CCBE1: variants seen among roughly 807,000 people sequenced by gnomAD.
CCBE1 encodes collagen and calcium-binding EGF domain-containing protein 1.
CCBE1 carries 37 observed loss-of-function variants against 50.0 expected under a neutral mutation model. The observed-to-expected ratio is 0.74, with a 90% CI of 0.57 to 0.97. The LOEUF (loss-of-function observed/expected upper bound fraction) is 0.97, where lower values mean the gene tolerates loss of function less well. Among genes scored for constraint, CCBE1 ranks in the 50% least tolerant of loss-of-function variants. The pLI is 0.00. For synonymous variants in CCBE1, 234 were observed against 203.7 expected (o/e 1.15, Z -1.27); for missense variants, 538 against 523.8 (o/e 1.03, Z -0.26).
intron 2 of CCBE1, among the ~76,000 whole-genome samples, chr18:59,606,046 G>T (rs2053493975): frequency 1.3e-5 from 2 of 152,150 alleles, no homozygotes; most frequent in Admixed American, 6.5e-5. Context: ...AACGCCTATG[G>T]TGCTTTGCGA....
intron 2 of CCBE1, among the ~76,000 whole-genome samples, chr18:59,638,366 C>T (rs2053942473): frequency 1.3e-5 from 2 of 152,192 alleles, no homozygotes; most frequent in African/African-American, 2.4e-5. Flanking sequence ...TATCAACTTT[C>T]ACCAATTCTA....
chr18:59,578,995 A>G (rs1337851051), intron 2 of CCBE1, among the ~76,000 whole-genome samples: 1 of 152,244 alleles, frequency 6.6e-6, no homozygotes, highest in Non-Finnish European at 1.5e-5. Flanking sequence ...ATGTAAAGAC[A>G]TAAAAGTCAC....
intron 2 of CCBE1, among the ~76,000 whole-genome samples, chr18:59,502,030 C>T (rs1421569498): frequency 6.6e-6 from 1 of 152,206 alleles, no homozygotes; most frequent in Non-Finnish European, 1.5e-5. Context: ...AACTCCTGAA[C>T]TCAAGTGATC....
Position 59,601,010 on chromosome 18 carries a change from G to GTTTTTTTTTT in CCBE1, c.212+95609_212+95618dup, listed in dbSNP as rs71177045. On this transcript the variant is annotated intron_variant, in intron 2 of 10. Coordinates refer to ENST00000439986, the MANE Select transcript of CCBE1 (RefSeq NM_133459.4). ...GATCTATTTTATTAGCTATGTGTCA[G>GTTTTTTTTTT]TTTTTTTTTTTTTTTTTTTTTTTTT... Among the ~76,000 whole-genome samples the GTTTTTTTTTT allele has an allele frequency of 1.7e-3, 101 of 58,016 alleles. 31 individuals are homozygous for GTTTTTTTTTT. Among genetic ancestry groups the GTTTTTTTTTT allele is most frequent in the Non-Finnish European group, 2.1e-3 (60 of 28,346 alleles). The allele number at this position is 58,016 out of a possible 152,430, so 38.1% of individuals were successfully genotyped here.
chr18:59,484,315 T>C (rs753543419), intron 2 of CCBE1, among the ~76,000 whole-genome samples: 8 of 152,240 alleles, frequency 5.3e-5, no homozygotes, highest in Non-Finnish European at 7.3e-5. Context: ...AAAACCCACG[T>C]GTTTTTGATA....
At chr18:59,494,906 C>T (rs12957165) in intron 2 of CCBE1, among the ~76,000 whole-genome samples, 1 of 152,118 alleles carries the variant, frequency 6.6e-6, no homozygotes, top group Non-Finnish European at 1.5e-5. Flanking sequence ...GTAATCCTAG[C>T]ACTTTGGGAG....
intron 2 of CCBE1, among the ~76,000 whole-genome samples, chr18:59,506,724 A>C (rs950237552): frequency 9.2e-5 from 14 of 152,194 alleles, no homozygotes; most frequent in Non-Finnish European, 2.9e-5. Flanking sequence ...TGGTGCACCC[A>C]GACCAGCCTC....
chr18:59,586,039 T>C (rs1039212605), intron 2 of CCBE1, among the ~76,000 whole-genome samples: 4 of 152,212 alleles, frequency 2.6e-5, no homozygotes, highest in African/African-American at 9.7e-5. Context: ...CTTTTAGTAA[T>C]TTCACTTTTA....
intron 2 of CCBE1, among the ~76,000 whole-genome samples, chr18:59,512,433 C>A (rs536361783): frequency 6.6e-6 from 1 of 152,370 alleles, no homozygotes; most frequent in East Asian, 1.9e-4. Context: ...AAGCAAAGAG[C>A]AACAGTGCCT....
At chr18:59,443,569 C>T (rs750706894) in intron 7 of CCBE1, among the ~76,000 whole-genome samples, 3 of 151,572 alleles carry the variant, frequency 2.0e-5, no homozygotes, top group Non-Finnish European at 4.4e-5. Context: ...CAGGTTCAAG[C>T]AATTCTCCCG....
intron 2 of CCBE1, among the ~76,000 whole-genome samples, chr18:59,561,065 G>C (rs1297803743): frequency 2.0e-5 from 3 of 151,852 alleles, no homozygotes; most frequent in Non-Finnish European, 4.4e-5. Flanking sequence ...GTCCAGCCTA[G>C]TACTGACACC....
chr18:59,511,123 C>A lies in CCBE1; in HGVS notation c.213-30885G>T, dbSNP rs563296933. ...AGGACTTTCTTTCCAGCAGCTGAAA[C>A]CCTGACTTCGTTTTTATGCTGCTAT... On this transcript the variant is annotated intron_variant, in intron 2 of 10. Transcript: ENST00000439986. Among the ~76,000 whole-genome samples the A allele has an allele frequency of 5.3e-5, 8 of 152,296 alleles. No individual in the cohort carries two copies. In the East Asian group the frequency reaches 1.2e-3, roughly 22 times the overall value.
intron 2 of CCBE1, among the ~76,000 whole-genome samples, chr18:59,620,771 G>A (rs895661901): frequency 6.6e-6 from 1 of 152,128 alleles, no homozygotes; most frequent in Non-Finnish European, 1.5e-5. Context: ...ATGATTGTGA[G>A]GCCTCTCCAG....
intron 2 of CCBE1, among the ~76,000 whole-genome samples, chr18:59,525,061 G>C (rs1181173658): frequency 6.6e-6 from 1 of 152,160 alleles, no homozygotes; most frequent in Non-Finnish European, 1.5e-5. Context: ...CTTTATAAGA[G>C]AATGATTTAT....
intron 2 of CCBE1, among the ~76,000 whole-genome samples, chr18:59,488,158 G>T (rs937269838): frequency 6.6e-6 from 1 of 152,212 alleles, no homozygotes; most frequent in African/African-American, 2.4e-5. Flanking sequence ...GAGACAGAAA[G>T]TGGAAGCGTG....
chr18:59,508,694 A>G (rs971222108), intron 2 of CCBE1, among the ~76,000 whole-genome samples: 1 of 150,392 alleles, frequency 6.6e-6, no homozygotes, highest in Admixed American at 6.6e-5. Context: ...TTAGCACAGT[A>G]CACACATAGA....
At chr18:59,612,839 TTTGTTTTTG>T (rs1189549820) in intron 2 of CCBE1, among the ~76,000 whole-genome samples, 557 of 54,738 alleles carry the variant, frequency 0.01, 24 homozygotes, top group East Asian at 0.049. Flanking sequence ...TTTTTTTGTT[TTTGTTTTTG>T]TTTTTTTTAA....
intron 2 of CCBE1, among the ~76,000 whole-genome samples, chr18:59,653,016 A>G (rs2054146060): frequency 6.6e-6 from 1 of 152,128 alleles, no homozygotes; most frequent in Admixed American, 6.5e-5. Flanking sequence ...GCCCCCCGTT[A>G]AAGGAACTTA....
intron 2 of CCBE1, among the ~76,000 whole-genome samples, chr18:59,590,445 A>T (rs2053246580): frequency 6.6e-6 from 1 of 152,222 alleles, no homozygotes. Flanking sequence ...AGTTCTCCTT[A>T]ATTTATAAAT....
Sources: allele counts gnomAD v4.1 joint callset (sites outside exome capture counted in the v4.1 genomes callset), GRCh38; gene constraint gnomAD v4.1.1; transcripts MANE v1.5; gene names NCBI Gene and HGNC (gene_info 2026-07-23, HGNC 2026-07-21).